The following SLIT3 variants were observed in gnomAD, a reference collection of about 807,000 sequenced individuals.
The protein encoded by SLIT3 is slit guidance ligand 3, also known as slit homolog 3 protein.
Under a neutral mutation model 184.0 loss-of-function variants are expected in SLIT3, and 68 were observed. The observed-to-expected ratio is 0.37, with a 90% CI of 0.30 to 0.45. The LOEUF is 0.45. Among genes scored for constraint, SLIT3 ranks in the 20% least tolerant of loss-of-function variants. The pLI is 1.00. For missense variants in SLIT3, 1,707 were observed against 2,026.0 expected (o/e 0.84, Z 3.02); for synonymous variants, 831 against 828.6 (o/e 1.00, Z -0.05).
intron 4 of SLIT3, among the ~76,000 whole-genome samples, chr5:169,118,988 GATTAT>G (rs1405772949): frequency 1.3e-5 from 2 of 152,164 alleles, no homozygotes; most frequent in Admixed American, 1.3e-4. Context: ...GTTCTACATA[GATTAT>G]ATTTATCCCT....
chr5:168,723,635 G>T (rs186893940), intron 21 of SLIT3, among the ~76,000 whole-genome samples: 1 of 151,878 alleles, frequency 6.6e-6, no homozygotes, highest in South Asian at 2.1e-4. Context: ...CATTTACTCC[G>T]TCTTATCAGG....
chr5:169,106,990 T>C (rs1022274715), intron 4 of SLIT3, among the ~76,000 whole-genome samples: 4 of 152,178 alleles, frequency 2.6e-5, no homozygotes, highest in Non-Finnish European at 4.4e-5. Flanking sequence ...CTGCCAAACG[T>C]GTCAGAGGAG....
At chr5:169,117,717 A>G (rs934071208) in intron 4 of SLIT3, among the ~76,000 whole-genome samples, 1 of 152,182 alleles carries the variant, frequency 6.6e-6, no homozygotes, top group Non-Finnish European at 1.5e-5. Context: ...GATATCTAAC[A>G]AACTCTATTC....
chr5:169,172,069 C>T (rs1361555175), intron 4 of SLIT3, among the ~76,000 whole-genome samples: 1 of 152,094 alleles, frequency 6.6e-6, no homozygotes, highest in African/African-American at 2.4e-5. Context: ...ATAAGAAAGC[C>T]TCGGAAATGT....
At chr5:169,133,669 G>A (rs1382428714) in intron 4 of SLIT3, among the ~76,000 whole-genome samples, 2 of 152,192 alleles carry the variant, frequency 1.3e-5, no homozygotes, top group African/African-American at 4.8e-5. Context: ...TTATTTTGGT[G>A]ATTGTCTGCA....
At chr5:168,768,314 G>A (rs1313049652) in intron 14 of SLIT3, 5 of 468,886 alleles carry the variant, frequency 1.1e-5, no homozygotes, top group African/African-American at 2.0e-5. Flanking sequence ...AGGAAGCAGC[G>A]TGGAGAAGCG....
chr5:169,081,980 C>A (rs1759080504), intron 4 of SLIT3, among the ~76,000 whole-genome samples: 1 of 152,182 alleles, frequency 6.6e-6, no homozygotes, highest in African/African-American at 2.4e-5. Flanking sequence ...GTCAGCCTGA[C>A]TCCAGACCCC....
At chr5:168,795,388 C>T in intron 10 of SLIT3, 119 bp downstream of exon 10, 1 of 774,604 alleles carries the variant, frequency 1.3e-6, no homozygotes, top group Non-Finnish European at 2.3e-6. Flanking sequence ...AGGTCTGAAA[C>T]AGAACTGCCC....
chr5:168,965,176 T>G (rs1283052592), intron 4 of SLIT3, among the ~76,000 whole-genome samples: 1 of 152,174 alleles, frequency 6.6e-6, no homozygotes, highest in African/African-American at 2.4e-5. Flanking sequence ...TCTCCTTCAT[T>G]TAGGGTACTG....
intron 9 of SLIT3, among the ~76,000 whole-genome samples, chr5:168,798,220 CTTCTTTTTTTTTTTTTT>C (rs1197196357): frequency 1.7e-4 from 19 of 112,246 alleles, no homozygotes; most frequent in African/African-American, 7.9e-4. Context: ...TCTTCTTCTT[CTTCTTTTTTTTTTTTTT>C]TTAAGAGACA....
At chr5:168,856,201 G>T (rs563517690) in intron 5 of SLIT3, among the ~76,000 whole-genome samples, 1 of 152,286 alleles carries the variant, frequency 6.6e-6, no homozygotes, top group South Asian at 2.1e-4. Context: ...CTTTTAAACG[G>T]TTAGTTCTAT....
chr5:169,213,020 T>C (rs1247239742), intron 3 of SLIT3, among the ~76,000 whole-genome samples: 4 of 151,900 alleles, frequency 2.6e-5, no homozygotes, highest in African/African-American at 9.7e-5. Flanking sequence ...TTTTGGTTAC[T>C]GTAGCCTCTG....
intron 26 of SLIT3, among the ~76,000 whole-genome samples, chr5:168,705,860 A>T: frequency 6.6e-6 from 1 of 152,240 alleles, no homozygotes; most frequent in East Asian, 1.9e-4. Context: ...CAAGAATCAG[A>T]ATGTGAAACA....
At chr5:168,869,819 T>G (rs1045556398) in intron 5 of SLIT3, among the ~76,000 whole-genome samples, 19 of 152,212 alleles carry the variant, frequency 1.2e-4, no homozygotes, top group African/African-American at 4.6e-4. Flanking sequence ...GCAGACACAG[T>G]ACCCAGGAAC....
At position 168,748,407 on chromosome 5, in the gene SLIT3, C is replaced by A; in HGVS notation, c.2165G>T (p.Ser722Ile). The A allele has an allele frequency of 6.6e-7, 1 of 1,522,750 alleles. No individual in the cohort carries two copies. Among genetic ancestry groups the A allele is most frequent in the Non-Finnish European group, 8.7e-7 (1 of 1,147,178 alleles). 94.3% of individuals were successfully genotyped at this position (1,522,750 alleles called of 1,614,324 possible). Residue 722 changes from serine to isoleucine, a missense_variant, in exon 20 of 36, where the codon AGC becomes ATC. Physicochemically the swap from Ser to Ile is moderately radical, Grantham distance 142. Coordinates refer to ENST00000519560, the MANE Select transcript of SLIT3 (RefSeq NM_003062.4). ...DGNEESSCQL[S>I]PRCPEQCTCM... ...GGTGCACTGCTCCGGGCAGCGCGGG[C>A]TCAGCTGGCAGCTACTCTCCTCGTT...
At position 168,883,309 on chromosome 5, in the gene SLIT3, C is replaced by T. The variant is rs1286608288; in HGVS notation, c.441G>A (p.Gly147=). ...RLDLSENQIQ[G]IPRKAFRGIT... is the part of the protein sequence containing the mutation. ...TGCCGCGGAACGCCTTCCTCGGGATCCCCTGGATCTGGTTTTCACTCAAAT... is the reference window on the plus strand; with the variant it reads ...TGCCGCGGAACGCCTTCCTCGGGATTCCCTGGATCTGGTTTTCACTCAAAT... The change falls in exon 5 of 36, where the codon GGG becomes GGA. Residue 147 remains glycine, a synonymous_variant. Coordinates refer to ENST00000519560, the MANE Select transcript of SLIT3 (RefSeq NM_003062.4). The T allele has an allele frequency of 1.2e-6, 2 of 1,614,040 alleles. No homozygotes were observed. The highest frequency in any genetic ancestry group is 1.7e-6 in the Non-Finnish European group (2 of 1,179,898).
At chr5:169,141,671 G>A (rs1222969663) in intron 4 of SLIT3, among the ~76,000 whole-genome samples, 3 of 150,542 alleles carry the variant, frequency 2.0e-5, no homozygotes, top group East Asian at 2.0e-4. Flanking sequence ...CCCGGGAGGC[G>A]GAGCTTGCAG....
At chr5:168,774,697 T>C (rs920973829) in intron 12 of SLIT3, among the ~76,000 whole-genome samples, 5 of 152,050 alleles carry the variant, frequency 3.3e-5, no homozygotes, top group African/African-American at 1.2e-4. Context: ...GTTTTAGGAT[T>C]CAGAGCTTCC....
intron 3 of SLIT3, among the ~76,000 whole-genome samples, chr5:169,208,894 G>A (rs993295465): frequency 4.6e-5 from 7 of 152,152 alleles, no homozygotes; most frequent in African/African-American, 1.7e-4. Context: ...GATAGGCATG[G>A]GCAAAGAGTT....
Sources: gnomAD v4.1 joint callset for allele counts (sites outside exome capture counted in the v4.1 genomes callset) on GRCh38, gnomAD v4.1.1 for gene constraint, MANE v1.5 for transcripts, NCBI Gene and HGNC (gene_info 2026-07-23, HGNC 2026-07-21) for gene names.